Variants in ASAP1 observed in about 807,000 individuals in gnomAD.
The protein encoded by ASAP1 is ArfGAP with SH3 domain, ankyrin repeat and PH domain 1, also known as arf-GAP with SH3 domain, ANK repeat and PH domain-containing protein 1.
ASAP1 carries 43 observed loss-of-function variants against 145.2 expected under a neutral mutation model. The observed-to-expected ratio is 0.30, with a 90% CI of 0.23 to 0.38. The LOEUF (loss-of-function observed/expected upper bound fraction) is 0.38. Ranked by LOEUF, ASAP1 falls within the 10% of genes least tolerant of loss-of-function variation. The pLI, the probability that ASAP1 is intolerant of heterozygous loss-of-function variation, is 1.00. For synonymous variants in ASAP1, 546 were observed against 515.5 expected (o/e 1.06, Z -0.80); for missense variants, 1,018 against 1,355.3 (o/e 0.75, Z 3.91).
chr8:130,196,139 C>T (rs1347279388), intron 5 of ASAP1, among the ~76,000 whole-genome samples: 2 of 152,078 alleles, frequency 1.3e-5, no homozygotes, highest in Middle Eastern at 3.2e-3. Context: ...GTCAGGAGTT[C>T]GAGACCAGCC....
At chr8:130,122,479 CAAT>C (rs574060536) in intron 18 of ASAP1, among the ~76,000 whole-genome samples, 2 of 152,012 alleles carry the variant, frequency 1.3e-5, no homozygotes, top group Non-Finnish European at 2.9e-5. Flanking sequence ...TACTACAGAC[CAAT>C]AATAATAATA....
intron 5 of ASAP1, among the ~76,000 whole-genome samples, chr8:130,199,755 C>T (rs1815747414): frequency 6.6e-6 from 1 of 152,122 alleles, no homozygotes; most frequent in African/African-American, 2.4e-5. Context: ...AAAATTCCAC[C>T]TCAAATGGGT....
At chr8:130,312,766 C>A (rs1240708324) in intron 3 of ASAP1, among the ~76,000 whole-genome samples, 3 of 152,160 alleles carry the variant, frequency 2.0e-5, no homozygotes, top group Non-Finnish European at 4.4e-5. Context: ...AGTAACAAAG[C>A]CTAGCACAGA....
chr8:130,269,563 C>T (rs1820466572), intron 3 of ASAP1, among the ~76,000 whole-genome samples: 1 of 152,184 alleles, frequency 6.6e-6, no homozygotes, highest in Non-Finnish European at 1.5e-5. Flanking sequence ...AGTCCCTCTC[C>T]AAGTTTCATA....
chr8:130,325,019 C>T (rs567221806), intron 3 of ASAP1, among the ~76,000 whole-genome samples: 12 of 152,322 alleles, frequency 7.9e-5, no homozygotes, highest in African/African-American at 2.9e-4. Flanking sequence ...GCCCTGCTTG[C>T]AGGCCCTTCC....
At chr8:130,323,000 T>C (rs1586828928) in intron 3 of ASAP1, among the ~76,000 whole-genome samples, 1 of 152,298 alleles carries the variant, frequency 6.6e-6, no homozygotes, top group South Asian at 2.1e-4. Flanking sequence ...GGAATCAAAC[T>C]GGATGAGAAA....
chr8:130,439,709 T>C (rs1252638268), intron 1 of ASAP1, among the ~76,000 whole-genome samples: 1 of 152,164 alleles, frequency 6.6e-6, no homozygotes, highest in African/African-American at 2.4e-5. Context: ...GAGTAGCAAT[T>C]AGCCTGGGAG....
chr8:130,076,176 T>TTATAA (rs2097461900), intron 27 of ASAP1, among the ~76,000 whole-genome samples, 172 bp downstream of exon 27: 1 of 152,236 alleles, frequency 6.6e-6, no homozygotes, highest in Non-Finnish European at 1.5e-5. Flanking sequence ...AAATTTGAGT[T>TTATAA]TATAAATACC....
rs796803091 is a variant in ASAP1 at position 130,311,775 on chromosome 8, A to AAAAAAAAAAAAC, written c.186+46241_186+46242insGTTTTTTTTTTT. On this transcript the variant is annotated intron_variant, in intron 3 of 29. Coordinates refer to ENST00000518721, the MANE Select transcript of ASAP1 (RefSeq NM_018482.4). ...AAACTCCGTCTCAAAAAAAAAAAAAAGGCAAAATAAGTGATATAGGTTACT... is the reference window on the plus strand; with the variant it reads ...AAACTCCGTCTCAAAAAAAAAAAAAAAAAAAAAAAAACGGCAAAATAAGTGATATAGGTTACT... Among the ~76,000 whole-genome samples the AAAAAAAAAAAAC allele has an allele frequency of 1.7e-3, 250 of 148,612 alleles. 7 individuals carry two copies. In the East Asian group the frequency reaches 0.023, roughly 14 times the overall value.
intron 20 of ASAP1, 61 bp from the exon 21 acceptor site, chr8:130,117,056 T>C: frequency 8.4e-7 from 1 of 1,184,996 alleles, no homozygotes; most frequent in South Asian, 1.4e-5. Flanking sequence ...AACTATAGAT[T>C]AGCCACTTAT....
In ASAP1 at chr8:130,178,127, A is replaced by T. The variant is rs1369373213; in HGVS notation, c.746+1137T>A. ...GGTATCTTTCTAAATATAACTATTG[A>T]AAAGAATAAGAAAGATCAAAGGAAA... On this transcript the variant is annotated intron_variant, in intron 9 of 29. Transcript: ENST00000518721. Among the ~76,000 whole-genome samples the T allele has an allele frequency of 2.0e-5, 3 of 152,244 alleles. No individual in the cohort carries two copies. In the East Asian group the frequency reaches 5.8e-4, roughly 29 times the overall value.
At chr8:130,304,323 G>A (rs898164295) in intron 3 of ASAP1, among the ~76,000 whole-genome samples, 1 of 151,704 alleles carries the variant, frequency 6.6e-6, no homozygotes, top group African/African-American at 2.4e-5. Flanking sequence ...AAGTAGATAT[G>A]AACACCTAAT....
intron 3 of ASAP1, among the ~76,000 whole-genome samples, chr8:130,292,468 C>T (rs1430612143): frequency 1.3e-5 from 2 of 152,154 alleles, no homozygotes; most frequent in African/African-American, 4.8e-5. Context: ...TTGGGCTTTA[C>T]AGAAGAGGAA....
intron 11 of ASAP1, among the ~76,000 whole-genome samples, chr8:130,165,091 T>A (rs2097677265): frequency 6.6e-6 from 1 of 152,214 alleles, no homozygotes; most frequent in Non-Finnish European, 1.5e-5. Context: ...AACTCATCAT[T>A]TATTAATCTG....
intron 26 of ASAP1, among the ~76,000 whole-genome samples, chr8:130,078,181 G>T (rs1268771075): frequency 6.6e-6 from 1 of 151,930 alleles, no homozygotes; most frequent in Non-Finnish European, 1.5e-5. Context: ...GTACAGACGG[G>T]GTTTCACCAT....
chr8:130,140,199 T>C (rs1317126747), intron 13 of ASAP1, among the ~76,000 whole-genome samples: 2 of 151,618 alleles, frequency 1.3e-5, no homozygotes, highest in Non-Finnish European at 2.9e-5. Context: ...CACCTGGTTA[T>C]TACTATTTTT....
intron 3 of ASAP1, among the ~76,000 whole-genome samples, chr8:130,296,742 C>T (rs1177072507): frequency 6.6e-6 from 1 of 151,362 alleles, no homozygotes; most frequent in African/African-American, 2.4e-5. Context: ...AGCACAAGGC[C>T]GACTACAGAA....
chr8:130,409,254 G>A (rs370993932), intron 1 of ASAP1, among the ~76,000 whole-genome samples: 5 of 137,012 alleles, frequency 3.6e-5, no homozygotes, highest in African/African-American at 8.7e-5. Flanking sequence ...AGAGTGAGAC[G>A]GTGTCTCAAA....
intron 3 of ASAP1, among the ~76,000 whole-genome samples, chr8:130,310,936 C>T (rs1823302877): frequency 6.6e-6 from 1 of 152,206 alleles, no homozygotes; most frequent in Non-Finnish European, 1.5e-5. Flanking sequence ...GGACTCAAGA[C>T]CAACCTGGGC....
Sources: allele counts gnomAD v4.1 joint callset (sites outside exome capture counted in the v4.1 genomes callset), GRCh38; gene constraint gnomAD v4.1.1; transcripts MANE v1.5; gene names NCBI Gene and HGNC (gene_info 2026-07-23, HGNC 2026-07-21).